CDC42BPA: variants seen among roughly 807,000 people sequenced by gnomAD.
The protein encoded by CDC42BPA is serine/threonine-protein kinase MRCK alpha.
In CDC42BPA, 80 loss-of-function variants were observed where a neutral mutation model predicts 223.5. The ratio of observed to expected loss-of-function variants is 0.36; its 90% CI spans 0.30 to 0.43. The LOEUF (loss-of-function observed/expected upper bound fraction) is 0.43. CDC42BPA is among the 20% of genes least tolerant of loss of function. The pLI is 1.00. For missense variants in CDC42BPA, 1,743 were observed against 2,099.9 expected (o/e 0.83, Z 3.32); for synonymous variants, 694 against 718.6 (o/e 0.97, Z 0.55).
intron 5 of CDC42BPA, among the ~76,000 whole-genome samples, chr1:227,161,449 T>A (rs936930059): frequency 6.6e-6 from 1 of 152,356 alleles, no homozygotes; most frequent in South Asian, 2.1e-4. Context: ...ATATATTTTT[T>A]AAAAAATTAC....
At chr1:227,017,387 C>T (rs997482830) in intron 32 of CDC42BPA, among the ~76,000 whole-genome samples, 61 of 152,296 alleles carry the variant, frequency 4.0e-4, no homozygotes, top group African/African-American at 1.4e-3. Context: ...TATTTTCTCT[C>T]CCTCCAGGTA....
intron 10 of CDC42BPA, among the ~76,000 whole-genome samples, chr1:227,139,319 C>T (rs947055716): frequency 6.6e-6 from 1 of 151,982 alleles, no homozygotes; most frequent in Non-Finnish European, 1.5e-5. Flanking sequence ...TTTCCCCATC[C>T]CCAAAGGTAT....
intron 2 of CDC42BPA, among the ~76,000 whole-genome samples, chr1:227,218,953 T>C (rs949512032): frequency 2.0e-5 from 3 of 152,166 alleles, no homozygotes; most frequent in Non-Finnish European, 4.4e-5. Flanking sequence ...TCAGTAGCAA[T>C]AGTCAAAATA....
intron 2 of CDC42BPA, among the ~76,000 whole-genome samples, chr1:227,230,839 T>TTTTTTTTTTTTTTTTTTTA (rs1677777998): frequency 7.1e-6 from 1 of 141,700 alleles, no homozygotes; most frequent in Non-Finnish European, 1.5e-5. Flanking sequence ...TTTTTTTTTT[T>TTTTTTTTTTTTTTTTTTTA]GAGACAGAGT....
intron 2 of CDC42BPA, among the ~76,000 whole-genome samples, chr1:227,248,765 C>T (rs553230674): frequency 6.6e-6 from 1 of 152,024 alleles, no homozygotes; most frequent in South Asian, 2.1e-4. Flanking sequence ...TGATGAAACA[C>T]TGATGAAAGA....
intron 23 of CDC42BPA, among the ~76,000 whole-genome samples, chr1:227,047,407 A>G (rs1255544015): frequency 6.6e-6 from 1 of 151,440 alleles, no homozygotes; most frequent in Non-Finnish European, 1.5e-5. Flanking sequence ...TCTCTCTCTC[A>G]TTTTGTGGTT....
At chr1:226,996,406 T>G (rs1661609017) in intron 35 of CDC42BPA, among the ~76,000 whole-genome samples, 1 of 152,240 alleles carries the variant, frequency 6.6e-6, no homozygotes, top group African/African-American at 2.4e-5. Context: ...TCATGTCACC[T>G]GCAGACAGAG....
intron 1 of CDC42BPA, among the ~76,000 whole-genome samples, chr1:227,255,544 C>G (rs12410327): frequency 0.094 from 14,254 of 152,170 alleles, 847 homozygotes; most frequent in Middle Eastern, 0.17. Context: ...TCCTTAGCTA[C>G]ACAGGAGGCT....
chr1:227,279,637 CTTTTA>C (rs975408563), intron 1 of CDC42BPA, among the ~76,000 whole-genome samples: 2 of 152,212 alleles, frequency 1.3e-5, no homozygotes, highest in Non-Finnish European at 2.9e-5. Context: ...GGAGACATTA[CTTTTA>C]TTTAATTAAA....
At chr1:227,084,083 A>C (rs553107213) in intron 16 of CDC42BPA, among the ~76,000 whole-genome samples, 1 of 148,876 alleles carries the variant, frequency 6.7e-6, no homozygotes, top group Non-Finnish European at 1.5e-5. Flanking sequence ...CCTTGTTGTC[A>C]CTCCAATGAC....
rs904379999 is a variant in CDC42BPA, at chr1:227,208,137, T to C, written c.354+4999A>G. ...GCCAGTGATGACGAGCATTTTTTCA[T>C]GTGTTTTTTGGCTGCATAAATGTCT... On this transcript the variant is annotated intron_variant, in intron 3 of 36. Transcript: ENST00000366766. Among the ~76,000 whole-genome samples, 884 of 144,488 alleles carry C rather than the reference T, an allele frequency of 6.1e-3. 12 individuals carry two copies. Among genetic ancestry groups the C allele is most frequent in the African/African-American group, 0.021 (833 of 38,948 alleles). 94.8% of individuals were successfully genotyped at this position (144,488 alleles called of 152,430 possible). A position where few individuals can be genotyped will look rare whatever the true frequency, so the allele number is the denominator to read the frequency against.
At chr1:227,101,624 T>A (rs1271847007) in intron 14 of CDC42BPA, among the ~76,000 whole-genome samples, 1 of 152,114 alleles carries the variant, frequency 6.6e-6, no homozygotes, top group Non-Finnish European at 1.5e-5. Flanking sequence ...GAAGAACTGA[T>A]AAAAAGTTTT....
intron 35 of CDC42BPA, among the ~76,000 whole-genome samples, 200 bp from the exon 36 acceptor site, chr1:226,995,180 C>A (rs371523168): frequency 6.6e-6 from 1 of 152,180 alleles, no homozygotes; most frequent in Non-Finnish European, 1.5e-5. Context: ...TCCTGTCCAC[C>A]CCAGCCACGG....
intron 15 of CDC42BPA, among the ~76,000 whole-genome samples, chr1:227,092,308 C>A (rs1447532559): frequency 1.3e-5 from 2 of 152,030 alleles, no homozygotes; most frequent in Non-Finnish European, 2.9e-5. Flanking sequence ...AGGCAGACTG[C>A]CAATGAAGAG....
intron 1 of CDC42BPA, among the ~76,000 whole-genome samples, chr1:227,263,580 CAA>C (rs1558901128): frequency 1.5e-5 from 2 of 132,818 alleles, no homozygotes; most frequent in South Asian, 2.7e-4. Flanking sequence ...CCTTGAGAAT[CAA>C]TTTTTTTTTT....
intron 34 of CDC42BPA, chr1:227,010,857 A>T: frequency 7.5e-7 from 1 of 1,328,710 alleles, no homozygotes; most frequent in Non-Finnish European, 1.0e-6. Context: ...GAAAGTTAAC[A>T]CCTGACTCAG....
intron 5 of CDC42BPA, among the ~76,000 whole-genome samples, chr1:227,163,166 A>T (rs868755267): frequency 6.7e-6 from 1 of 148,462 alleles, no homozygotes; most frequent in East Asian, 1.9e-4. Flanking sequence ...ATATGTGTGT[A>T]TATGTTTCCA....
At chr1:227,265,166 T>A in intron 1 of CDC42BPA, 1 of 695,264 alleles carries the variant, frequency 1.4e-6, no homozygotes, top group South Asian at 1.5e-5. Context: ...TCCACAGTGG[T>A]AGGAAGACCA....
chr1:227,226,272 A>G (rs560779894), intron 2 of CDC42BPA, among the ~76,000 whole-genome samples: 1 of 152,326 alleles, frequency 6.6e-6, no homozygotes, highest in African/African-American at 2.4e-5. Flanking sequence ...TCAGAACCCA[A>G]CTTTGCATTT....
Sources: allele counts gnomAD v4.1 joint callset (sites outside exome capture counted in the v4.1 genomes callset), GRCh38; gene constraint gnomAD v4.1.1; transcripts MANE v1.5; gene names NCBI Gene and HGNC (gene_info 2026-07-23, HGNC 2026-07-21).